The following TMEM245 variants were observed in gnomAD, a reference collection of about 807,000 sequenced individuals.
TMEM245 encodes the protein transmembrane protein 245.
Under a neutral mutation model 101.2 loss-of-function variants are expected in TMEM245, and 69 were observed. The ratio of observed to expected loss-of-function variants is 0.68; its 90% CI spans 0.56 to 0.83. The LOEUF is 0.83. Ranked by LOEUF, TMEM245 falls within the 40% of genes least tolerant of loss-of-function variation. TMEM245 has a pLI of 0.00. For synonymous variants in TMEM245, 537 were observed against 449.8 expected, an observed-to-expected ratio of 1.19 and a Z score of -2.45; for missense variants, 1,075 against 1,092.8, an observed-to-expected ratio of 0.98 and a Z score of 0.23.
At chr9:109,102,952 C>A (rs7028081) in intron 3 of TMEM245, among the ~76,000 whole-genome samples, 20,314 of 152,174 alleles carry the variant, frequency 0.13, 1,595 homozygotes, top group African/African-American at 0.19. Flanking sequence ...ATTTGAGGAC[C>A]ACTACTATAT....
intron 5 of TMEM245, among the ~76,000 whole-genome samples, chr9:109,089,227 T>C (rs560769): frequency 0.93 from 141,422 of 151,594 alleles, 66,069 homozygotes; most frequent in East Asian, 1. Context: ...AAGTGAGACC[T>C]TGTCTCAAAA....
chr9:109,084,074 G>A (rs935070981), intron 7 of TMEM245, among the ~76,000 whole-genome samples: 4 of 122,002 alleles, frequency 3.3e-5, no homozygotes, highest in African/African-American at 1.3e-4. Flanking sequence ...GTGAGATCCT[G>A]TCTCAAATTT....
chr9:109,104,225 G>A (rs555748764), intron 3 of TMEM245, among the ~76,000 whole-genome samples: 3 of 152,144 alleles, frequency 2.0e-5, no homozygotes, highest in Admixed American at 1.3e-4. Context: ...ATAAATACTT[G>A]AGGGGATGGA....
Position 109,020,446 on chromosome 9 carries a change from C to T in TMEM245, c.*14G>A. 1 of 1,613,740 alleles carries T rather than the reference C, an allele frequency of 6.2e-7. No individual in the cohort carries two copies. The highest frequency in any genetic ancestry group is 8.5e-7 in the Non-Finnish European group (1 of 1,179,654). On this transcript the variant is annotated 3_prime_UTR_variant, in exon 18 of 18. Transcript: ENST00000374586. ...TTTGAACTTCCTAGAAAAATCACTG[C>T]AGAGGAAACCACATCAACCTACTGA...
In TMEM245 at chr9:109,015,735, C is replaced by T. The variant is rs7041281; in HGVS notation, c.*4725G>A. 3.3e-5 allele frequency: 5 copies of T among 152,352 alleles called. No individual in the cohort carries two copies. Among genetic ancestry groups the T allele is most frequent in the South Asian group, 2.1e-4 (1 of 4,814 alleles). 9.4% of individuals were successfully genotyped at this position (152,352 alleles called of 1,614,324 possible). ...AAAAACTTTTCAGAGCCTCCAGAGC[C>T]CCCCCATCTGTACAATAAGGATAAT... is the stretch of plus-strand genomic sequence containing the variant. On this transcript the variant is annotated 3_prime_UTR_variant, in exon 18 of 18. Coordinates refer to ENST00000374586, the MANE Select transcript of TMEM245 (RefSeq NM_032012.4).
At chr9:109,060,999 T>C (rs1374091710) in intron 10 of TMEM245, among the ~76,000 whole-genome samples, 1 of 152,218 alleles carries the variant, frequency 6.6e-6, no homozygotes, top group Non-Finnish European at 1.5e-5. Context: ...AGAGGAAGGC[T>C]ATCATTATAA....
rs928382465 is a variant in TMEM245, at chr9:109,017,229, T to C, written c.*3231A>G. ...TTCCACTTTCAAAGGCTACAGAGTTTGTTTACATACAAGGTCTCCATGTAA... is the reference window on the plus strand; with the variant it reads ...TTCCACTTTCAAAGGCTACAGAGTTCGTTTACATACAAGGTCTCCATGTAA... On this transcript the variant is annotated 3_prime_UTR_variant, in exon 18 of 18. Coordinates refer to ENST00000374586, the MANE Select transcript of TMEM245 (RefSeq NM_032012.4). 13 of 152,244 alleles carry C rather than the reference T, an allele frequency of 8.5e-5. No homozygotes were observed. The highest frequency in any genetic ancestry group is 3.1e-4 in the African/African-American group (13 of 41,472). The allele number at this position is 152,244 out of a possible 1,614,324, so 9.4% of individuals were successfully genotyped here.
chr9:109,057,753 A>T (rs1262743867), intron 11 of TMEM245, among the ~76,000 whole-genome samples: 1 of 152,068 alleles, frequency 6.6e-6, no homozygotes, highest in African/African-American at 2.4e-5. Flanking sequence ...TCTGTCTAAA[A>T]AAGAAAAAAG....
intron 7 of TMEM245, among the ~76,000 whole-genome samples, chr9:109,084,894 A>G (rs1829787554): frequency 6.6e-6 from 1 of 152,126 alleles, no homozygotes; most frequent in African/African-American, 2.4e-5. Context: ...AACTTTAGGC[A>G]TTGTCAAGTC....
chr9:109,115,696 A>G (rs1397218557), intron 1 of TMEM245, among the ~76,000 whole-genome samples: 1 of 151,628 alleles, frequency 6.6e-6, no homozygotes, highest in Non-Finnish European at 1.5e-5. Context: ...CACCCGGCTA[A>G]TTTTTGTATT....
chr9:109,044,770 T>A (rs1052866461), intron 14 of TMEM245, among the ~76,000 whole-genome samples: 2 of 151,044 alleles, frequency 1.3e-5, no homozygotes, highest in Non-Finnish European at 2.9e-5. Flanking sequence ...TGGTTTTTTT[T>A]TTTTTTTTTG....
At chr9:109,107,354 A>T (rs1452210331) in intron 2 of TMEM245, among the ~76,000 whole-genome samples, 1 of 150,912 alleles carries the variant, frequency 6.6e-6, no homozygotes, top group Non-Finnish European at 1.5e-5. Flanking sequence ...AGCCAAGATC[A>T]CACCACTGCA....
chr9:109,029,367 G>A (rs1827884042), intron 17 of TMEM245, among the ~76,000 whole-genome samples: 1 of 152,232 alleles, frequency 6.6e-6, no homozygotes, highest in Non-Finnish European at 1.5e-5. Context: ...GACAGAAACC[G>A]TAGATAAACA....
chr9:109,104,991 A>G (rs56899598), intron 3 of TMEM245, among the ~76,000 whole-genome samples: 33,606 of 152,176 alleles, frequency 0.22, 4,518 homozygotes, highest in Admixed American at 0.3. Context: ...ACAAGCAATA[A>G]AAGAAAAAGT....
At chr9:109,044,974 G>T (rs904701305) in intron 14 of TMEM245, among the ~76,000 whole-genome samples, 1 of 152,002 alleles carries the variant, frequency 6.6e-6, no homozygotes, top group African/African-American at 2.4e-5. Flanking sequence ...TGGCCAGGCT[G>T]GTCTTGAACT....
Position 109,036,202 on chromosome 9 carries a change from T to C in TMEM245, c.2399+4A>G, listed in dbSNP as rs779976034. ...ACTAATAAGAAATTCTGTGGCTTAC[T>C]TACCCTGATATGTCAGAGTAGATTG... On this transcript the variant is annotated splice_donor_region_variant and intron_variant, in intron 16 of 17. Transcript: ENST00000374586. 3.2e-6 allele frequency: 5 copies of C among 1,582,018 alleles called. No homozygotes were observed. In the African/African-American group the frequency reaches 4.1e-5, roughly 13 times the overall value.
At chr9:109,088,208 A>C (rs1829896533) in intron 5 of TMEM245, among the ~76,000 whole-genome samples, 1 of 152,250 alleles carries the variant, frequency 6.6e-6, no homozygotes. Context: ...CTAAAGGTTC[A>C]CAATTTGCTG....
intron 17 of TMEM245, among the ~76,000 whole-genome samples, chr9:109,021,681 A>G (rs1194542909): frequency 6.6e-6 from 1 of 152,028 alleles, no homozygotes. Flanking sequence ...ACATCCGGCT[A>G]ATTTTTATAC....
chr9:109,103,079 T>C (rs7044505), intron 3 of TMEM245, among the ~76,000 whole-genome samples: 20,454 of 152,258 alleles, frequency 0.13, 1,614 homozygotes, highest in African/African-American at 0.19. Flanking sequence ...GCACATGGTC[T>C]ATTCAACTTT....
Sources: allele counts gnomAD v4.1 joint callset (sites outside exome capture counted in the v4.1 genomes callset), GRCh38; gene constraint gnomAD v4.1.1; transcripts MANE v1.5; gene names NCBI Gene and HGNC (gene_info 2026-07-23, HGNC 2026-07-21).